PRKCE: variants seen among roughly 807,000 people sequenced by gnomAD.
PRKCE encodes protein kinase C epsilon type.
In PRKCE, 16 loss-of-function variants were observed where a neutral mutation model predicts 85.4. The ratio of observed to expected loss-of-function variants is 0.19; its 90% CI spans 0.13 to 0.28. PRKCE has a LOEUF of 0.28. Ranked by LOEUF, PRKCE falls within the 10% of genes least tolerant of loss-of-function variation. PRKCE has a pLI of 1.00. For synonymous variants in PRKCE, 388 were observed against 371.5 expected, an observed-to-expected ratio of 1.04 and a Z score of -0.51; for missense variants, 573 against 975.2, an observed-to-expected ratio of 0.59 and a Z score of 5.49.
intron 1 of PRKCE, among the ~76,000 whole-genome samples, chr2:45,787,796 G>C (rs1389534102): frequency 6.6e-6 from 1 of 152,154 alleles, no homozygotes. Context: ...AAAGTGTCTG[G>C]GTAGTGGGAT....
intron 2 of PRKCE, among the ~76,000 whole-genome samples, chr2:45,864,906 C>A (rs779181423): frequency 1.3e-5 from 2 of 152,176 alleles, no homozygotes; most frequent in Non-Finnish European, 2.9e-5. Flanking sequence ...ACCTGCAGGG[C>A]CAGTTACAGC....
rs150186058 is a variant in PRKCE at position 46,064,551 on chromosome 2, G to C, written c.1438-21657G>C. 6.6e-5 allele frequency among the ~76,000 whole-genome samples: 10 copies of C among 152,298 alleles called. No homozygotes were observed. The East Asian group carries it at 1.9e-3, about 29-fold the overall frequency. ...GCATGAGGGATTTAGATTTTCATCA[G>C]CAGCTTGCACCAGAAGCAGAGTCTG... On this transcript the variant is annotated intron_variant, in intron 10 of 14. Coordinates refer to ENST00000306156, the MANE Select transcript of PRKCE (RefSeq NM_005400.3).
At chr2:46,133,726 T>A (rs1000929010) in intron 11 of PRKCE, among the ~76,000 whole-genome samples, 4 of 152,178 alleles carry the variant, frequency 2.6e-5, no homozygotes, top group African/African-American at 9.7e-5. Context: ...CTGGGTACTT[T>A]GCAGGGCCCT....
intron 10 of PRKCE, among the ~76,000 whole-genome samples, chr2:46,058,459 A>G (rs1178148342): frequency 6.6e-6 from 1 of 152,230 alleles, no homozygotes; most frequent in African/African-American, 2.4e-5. Context: ...CTTCAACTAA[A>G]GAAGAAAAAG....
At chr2:45,744,341 T>C (rs1238256503) in intron 1 of PRKCE, among the ~76,000 whole-genome samples, 1 of 152,188 alleles carries the variant, frequency 6.6e-6, no homozygotes, top group East Asian at 1.9e-4. Context: ...TTCTCCGAAT[T>C]CTGGCCACAC....
In PRKCE at chr2:45,747,626, G is replaced by A. The variant is rs79817807; in HGVS notation, c.348+95178G>A. Among the ~76,000 whole-genome samples, 319 of 152,282 alleles carry A rather than the reference G, an allele frequency of 2.1e-3. 2 individuals carry two copies. The highest frequency in any genetic ancestry group is 7.4e-3 in the African/African-American group (306 of 41,550). On this transcript the variant is annotated intron_variant, in intron 1 of 14. Coordinates refer to ENST00000306156, the MANE Select transcript of PRKCE (RefSeq NM_005400.3). ...TAATCCATTGATGGATGCTTGGACT[G>A]TTTTCCCCTTTTGGCTATTGAATAA... is the stretch of plus-strand genomic sequence containing the variant.
Position 45,945,750 on chromosome 2 carries a change from G to C in PRKCE, c.413-30679G>C, listed in dbSNP as rs1276051706. On this transcript the variant is annotated intron_variant, in intron 2 of 14. Transcript: ENST00000306156. ...TGCTGCATAACTGTGCTCCACTGGT[G>C]GGGGGCCAGATTAGAACACAGGCAT... Among the ~76,000 whole-genome samples, 4 of 152,332 alleles carry C rather than the reference G, an allele frequency of 2.6e-5. 1 individual carries two copies. The South Asian group carries it at 6.2e-4, about 24-fold the overall frequency.
chr2:45,652,096 C>CCCCCCA lies in PRKCE; in HGVS notation c.-5_-4insCCCCCA. On this transcript the variant is annotated 5_prime_UTR_variant, in exon 1 of 15. Coordinates refer to ENST00000306156, the MANE Select transcript of PRKCE (RefSeq NM_005400.3). This position sits in a 1 kb window ranked among gnomAD's most constrained non-coding sequence, Gnocchi z 7.7. ...TGACCCCGGCCCCCACTCCCCGCCC[C>CCCCCCA]GACCATGGTAGTGTTCAATGGCCTT... is the stretch of plus-strand genomic sequence containing the variant. 6.5e-7 allele frequency: 1 copy of CCCCCCA among 1,533,074 alleles called. No individual in the cohort carries two copies. Among genetic ancestry groups the CCCCCCA allele is most frequent in the Non-Finnish European group, 8.8e-7 (1 of 1,136,712 alleles). The allele number at this position is 1,533,074 out of a possible 1,614,324, so 95.0% of individuals were successfully genotyped here. A position where few individuals can be genotyped will look rare whatever the true frequency, so the allele number is the denominator to read the frequency against.
intron 14 of PRKCE, among the ~76,000 whole-genome samples, chr2:46,172,259 C>T (rs77355153): frequency 0.066 from 10,018 of 152,262 alleles, 340 homozygotes; most frequent in Non-Finnish European, 0.077. Context: ...CAGCCTCTTG[C>T]GGGAGCCAAG....
At chr2:45,695,433 C>T (rs1572968142) in intron 1 of PRKCE, among the ~76,000 whole-genome samples, 1 of 152,110 alleles carries the variant, frequency 6.6e-6, no homozygotes, top group African/African-American at 2.4e-5. Flanking sequence ...CAAATAACTA[C>T]CCATCACAGA....
intron 6 of PRKCE, among the ~76,000 whole-genome samples, chr2:45,988,991 A>T (rs950059753): frequency 1.3e-5 from 2 of 152,204 alleles, no homozygotes; most frequent in Non-Finnish European, 2.9e-5. Context: ...TCTCTAGAGA[A>T]GATCCAGTTC....
chr2:45,896,749 G>A (rs1392716912), intron 2 of PRKCE, among the ~76,000 whole-genome samples: 1 of 152,172 alleles, frequency 6.6e-6, no homozygotes, highest in Non-Finnish European at 1.5e-5. Flanking sequence ...TGACTTAGGT[G>A]CGCAGTAGAG....
rs569687367 is a variant in PRKCE at position 46,139,069 on chromosome 2, G to T, written c.1593-6024G>T. On this transcript the variant is annotated intron_variant, in intron 11 of 14. Coordinates refer to ENST00000306156, the MANE Select transcript of PRKCE (RefSeq NM_005400.3). This position sits in a 1 kb window ranked among gnomAD's most constrained non-coding sequence, Gnocchi z 5.2. ...CAGGTGTCAGGCAACAAGGGCTATC[G>T]CAAAGGCATTCAGGCTGAGGGGGAA... Among the ~76,000 whole-genome samples, 1 of 152,120 alleles carries T rather than the reference G, an allele frequency of 6.6e-6. No individual in the cohort carries two copies. The highest frequency in any genetic ancestry group is 1.5e-5 in the Non-Finnish European group (1 of 68,014).
Position 45,739,404 on chromosome 2 carries a change from C to T in PRKCE, c.348+86956C>T, listed in dbSNP as rs546077881. Among the ~76,000 whole-genome samples the T allele has an allele frequency of 5.2e-4, 79 of 152,224 alleles. 3 individuals are homozygous for T. In the South Asian group the frequency reaches 0.016, roughly 30 times the overall value. Reference sequence around the variant, plus strand: ...GTTTAGGGGCAGCTGTTGACTCAGTCGCAAAGGGAACAGATTGTATATTTG... The same window carrying T: ...GTTTAGGGGCAGCTGTTGACTCAGTTGCAAAGGGAACAGATTGTATATTTG... On this transcript the variant is annotated intron_variant, in intron 1 of 14. Transcript: ENST00000306156.
intron 2 of PRKCE, among the ~76,000 whole-genome samples, chr2:45,912,879 C>T (rs1309509608): frequency 3.3e-5 from 5 of 152,230 alleles, no homozygotes; most frequent in African/African-American, 7.2e-5. Flanking sequence ...ATCCAACCCA[C>T]GCCAGAGCCC....
chr2:45,999,745 A>G (rs1704515812), intron 6 of PRKCE, among the ~76,000 whole-genome samples: 1 of 151,712 alleles, frequency 6.6e-6, no homozygotes, highest in Admixed American at 6.6e-5. Flanking sequence ...CTCTTTTTGC[A>G]TATGTTACAC....
At chr2:45,675,201 G>A (rs1296317825) in intron 1 of PRKCE, 3 of 152,232 alleles carry the variant, frequency 2.0e-5, no homozygotes, top group Non-Finnish European at 4.4e-5. Context: ...AAAACACTCT[G>A]TAGATGTACA....
chr2:46,095,501 A>C (rs1342077175), intron 11 of PRKCE, among the ~76,000 whole-genome samples: 1 of 152,228 alleles, frequency 6.6e-6, no homozygotes, highest in African/African-American at 2.4e-5. Flanking sequence ...ATCTGGATTT[A>C]TAACTAGTTT....
At position 45,787,809 on chromosome 2, in the gene PRKCE, A is replaced by G. The variant is rs796542732; in HGVS notation, c.349-55191A>G. On this transcript the variant is annotated intron_variant, in intron 1 of 14. Coordinates refer to ENST00000306156, the MANE Select transcript of PRKCE (RefSeq NM_005400.3). ...AGAAAGTGTCTGGGTAGTGGGATGT[A>G]TGACCTCAAGGGATGAAGTTCTCAG... 1.8e-4 allele frequency among the ~76,000 whole-genome samples: 27 copies of G among 152,300 alleles called. 1 individual carries two copies. Among genetic ancestry groups the G allele is most frequent in the African/African-American group, 6.5e-4 (27 of 41,550 alleles).
Sources: gnomAD v4.1 joint callset for allele counts (sites outside exome capture counted in the v4.1 genomes callset) on GRCh38, gnomAD v4.1.1 for gene constraint, Gnocchi (gnomAD v3.1) non-coding constraint, MANE v1.5 for transcripts, NCBI Gene and HGNC (gene_info 2026-07-23, HGNC 2026-07-21) for gene names.